The following LRFN2 variants were observed in gnomAD, a reference collection of about 807,000 sequenced individuals.
LRFN2 encodes the protein leucine-rich repeat and fibronectin type-III domain-containing protein 2.
Under a neutral mutation model 37.3 loss-of-function variants are expected in LRFN2, and 18 were observed. That is an observed-to-expected ratio of 0.48 (90% CI 0.33 to 0.72). The LOEUF (loss-of-function observed/expected upper bound fraction) is 0.72, where lower values mean the gene tolerates loss of function less well. LRFN2 is among the 30% of genes least tolerant of loss of function. The pLI is 0.02. For synonymous variants in LRFN2, 556 were observed against 466.6 expected (o/e 1.19, Z -2.47); for missense variants, 1,006 against 1,060.7 (o/e 0.95, Z 0.72).
chr6:40,532,512 C>G (rs1766364605), intron 1 of LRFN2, among the ~76,000 whole-genome samples: 1 of 152,160 alleles, frequency 6.6e-6, no homozygotes, highest in African/African-American at 2.4e-5. Context: ...CAACCCAAAG[C>G]CACACAGCCA....
intron 1 of LRFN2, among the ~76,000 whole-genome samples, chr6:40,546,500 A>G (rs1028916951): frequency 1.5e-4 from 23 of 152,298 alleles, no homozygotes; most frequent in African/African-American, 5.3e-4. Flanking sequence ...CTCCTGGCCA[A>G]CACTGGTGGG....
intron 1 of LRFN2, among the ~76,000 whole-genome samples, chr6:40,581,238 G>A (rs1767392872): frequency 6.6e-6 from 1 of 152,188 alleles, no homozygotes; most frequent in African/African-American, 2.4e-5. Context: ...GTAACTTCCA[G>A]GGCCTAGATG....
intron 1 of LRFN2, among the ~76,000 whole-genome samples, chr6:40,566,226 C>T (rs1293151657): frequency 2.0e-5 from 3 of 152,148 alleles, no homozygotes; most frequent in Admixed American, 2.0e-4. Flanking sequence ...ATTAAAAAGT[C>T]AGGAAACAAA....
chr6:40,576,191 C>T (rs1429585927), intron 1 of LRFN2, among the ~76,000 whole-genome samples: 1 of 152,132 alleles, frequency 6.6e-6, no homozygotes, highest in African/African-American at 2.4e-5. Flanking sequence ...GTATAAAGTG[C>T]TGTATGCATG....
intron 1 of LRFN2, among the ~76,000 whole-genome samples, chr6:40,524,224 C>A (rs574158653): frequency 1.3e-5 from 2 of 152,170 alleles, no homozygotes; most frequent in African/African-American, 4.8e-5. Context: ...AAAACACATG[C>A]AGATTTTAAA....
intron 2 of LRFN2, among the ~76,000 whole-genome samples, chr6:40,415,531 C>T (rs995629723): frequency 4.6e-5 from 7 of 152,146 alleles, no homozygotes; most frequent in Non-Finnish European, 1.0e-4. Context: ...GGCCTGAATT[C>T]CTACTTGACC....
At chr6:40,557,214 C>T (rs1488352376) in intron 1 of LRFN2, among the ~76,000 whole-genome samples, 1 of 152,212 alleles carries the variant, frequency 6.6e-6, no homozygotes, top group African/African-American at 2.4e-5. Flanking sequence ...GCACATGGCC[C>T]ACCTTTTGCG....
chr6:40,580,492 G>A (rs571606074), intron 1 of LRFN2, among the ~76,000 whole-genome samples: 130 of 152,286 alleles, frequency 8.5e-4, no homozygotes, highest in African/African-American at 2.8e-3. Flanking sequence ...AAATTGCTAC[G>A]GCAGCTCCGA....
intron 1 of LRFN2, among the ~76,000 whole-genome samples, chr6:40,505,700 C>T (rs1025473515): frequency 6.6e-6 from 1 of 152,124 alleles, no homozygotes; most frequent in African/African-American, 2.4e-5. Context: ...AGGGCAGGGG[C>T]CTCTAGGGTG....
At chr6:40,500,685 A>G (rs1280310421) in intron 1 of LRFN2, among the ~76,000 whole-genome samples, 1 of 152,248 alleles carries the variant, frequency 6.6e-6, no homozygotes, top group Admixed American at 6.5e-5. Context: ...AGTAATCCAA[A>G]CAGTGCACTG....
chr6:40,575,072 C>A (rs372491357), intron 1 of LRFN2, among the ~76,000 whole-genome samples: 137 of 152,248 alleles, frequency 9.0e-4, no homozygotes, highest in African/African-American at 3.2e-3. Flanking sequence ...ATGTGAGGAT[C>A]TGGAGAGGAA....
intron 1 of LRFN2, among the ~76,000 whole-genome samples, chr6:40,500,452 G>A (rs1309138401): frequency 6.6e-6 from 1 of 152,228 alleles, no homozygotes; most frequent in East Asian, 1.9e-4. Flanking sequence ...GTCTTTGAGT[G>A]CCTCTCAGCC....
chr6:40,496,326 T>C (rs954180240), intron 1 of LRFN2, among the ~76,000 whole-genome samples: 11 of 152,150 alleles, frequency 7.2e-5, no homozygotes, highest in Non-Finnish European at 1.5e-4. Context: ...GAGGGACCCA[T>C]CTAAACCGGA....
In LRFN2 at chr6:40,499,661, G is replaced by C. The variant is rs575296970; in HGVS notation, c.-18-66530C>G. Among the ~76,000 whole-genome samples, 3 of 152,218 alleles carry C rather than the reference G, an allele frequency of 2.0e-5. No homozygotes were observed. In the South Asian group the frequency reaches 6.2e-4, roughly 32 times the overall value. On this transcript the variant is annotated intron_variant, in intron 1 of 2. Transcript: ENST00000338305. ...AGAGTGGCAGCAGAGAGTGTGGGCC[G>C]AGGGGAAAGTGGAAGTGCTGGGTCT...
chr6:40,480,640 A>G (rs775869800), intron 1 of LRFN2, among the ~76,000 whole-genome samples: 26 of 152,022 alleles, frequency 1.7e-4, no homozygotes, highest in Non-Finnish European at 3.2e-4. Context: ...GCAGTCTTAG[A>G]TTTGAATCCT....
At chr6:40,551,548 CTT>C (rs1023301075) in intron 1 of LRFN2, among the ~76,000 whole-genome samples, 79 of 152,286 alleles carry the variant, frequency 5.2e-4, no homozygotes, top group African/African-American at 1.8e-3. Context: ...ACATTTATCT[CTT>C]GAGTTTAATT....
chr6:40,458,528 A>G (rs1764281527), intron 1 of LRFN2, among the ~76,000 whole-genome samples: 1 of 152,224 alleles, frequency 6.6e-6, no homozygotes, highest in African/African-American at 2.4e-5. Context: ...AGAGCAACAT[A>G]AAGTCTCAGC....
intron 2 of LRFN2, among the ~76,000 whole-genome samples, chr6:40,399,062 G>C (rs1026529151): frequency 5.3e-5 from 8 of 151,910 alleles, no homozygotes; most frequent in Admixed American, 3.9e-4. Context: ...AGGCACTGGA[G>C]AGAGAGACTG....
chr6:40,585,348 G>A (rs780953659), intron 1 of LRFN2, among the ~76,000 whole-genome samples: 2 of 152,210 alleles, frequency 1.3e-5, no homozygotes, highest in African/African-American at 2.4e-5. Context: ...GCCAGAGTCA[G>A]AAGGGAAAGA....
Sources: gnomAD v4.1 joint callset for allele counts (sites outside exome capture counted in the v4.1 genomes callset) on GRCh38, gnomAD v4.1.1 for gene constraint, MANE v1.5 for transcripts, NCBI Gene and HGNC (gene_info 2026-07-23, HGNC 2026-07-21) for gene names.